CHD9: variants seen among roughly 807,000 people sequenced by gnomAD.
The protein encoded by CHD9 is ATP-dependent chromatin remodeler CHD9.
Under a neutral mutation model 316.1 loss-of-function variants are expected in CHD9, and 77 were observed. The observed-to-expected ratio is 0.24, with a 90% confidence interval of 0.20 to 0.29. The LOEUF is 0.29. CHD9 is among the 10% of genes least tolerant of loss of function. The pLI, the probability that CHD9 is intolerant of heterozygous loss-of-function variation, is 1.00. For missense variants in CHD9, 2,763 were observed against 3,438.1 expected (o/e 0.80, Z 4.91); for synonymous variants, 1,129 against 1,158.3 (o/e 0.97, Z 0.51).
chr16:53,229,084 C>G lies in CHD9; in HGVS notation c.2270C>G (p.Ala757Gly), dbSNP rs752857560. ...TTCAAATTGAGACAAGCACAAAGAG[C>G]ACATTTTTTTGCAGACGTAAGAAAA... ...KRFKLRQAQR[A>G]HFFADMEEEP... The change falls in exon 8 of 39, where the codon GCA becomes GGA. Residue 757 changes from alanine (A) to glycine (G), a missense_variant. By Grantham distance (60) the Ala-to-Gly change is moderately conservative (BLOSUM62 0). This residue lies in a region of CHD9 where 859 missense variants were observed against 890.4 expected (regional missense o/e 0.96). Coordinates refer to ENST00000447540, the MANE Select transcript of CHD9 (RefSeq NM_001308319.2). 1.1e-5 allele frequency: 17 copies of G among 1,577,150 alleles called. 1 individual carries two copies. In the East Asian group the frequency reaches 3.9e-4, roughly 36 times the overall value.
chr16:53,185,764 C>G (rs1176557239), intron 2 of CHD9, among the ~76,000 whole-genome samples: 1 of 152,210 alleles, frequency 6.6e-6, no homozygotes, highest in African/African-American at 2.4e-5. Context: ...CCATTCCAGC[C>G]CTGGCTAAGA....
In CHD9 at chr16:53,076,191, T is replaced by A. The variant is rs150667745; in HGVS notation, c.-165+21114T>A. ...TATATGATTTATAAATATTTACTTCTATTTCTGGGTTGTCTTTTTACTCTG... is the reference window on the plus strand; with the variant it reads ...TATATGATTTATAAATATTTACTTCAATTTCTGGGTTGTCTTTTTACTCTG... On this transcript the variant is annotated intron_variant, in intron 1 of 38. Transcript: ENST00000447540. Among the ~76,000 whole-genome samples, 1,190 of 152,334 alleles carry A rather than the reference T, an allele frequency of 7.8e-3. 16 individuals carry two copies. Among genetic ancestry groups the A allele is most frequent in the African/African-American group, 0.027 (1,127 of 41,568 alleles).
intron 2 of CHD9, among the ~76,000 whole-genome samples, chr16:53,173,765 C>T (rs1168463661): frequency 2.6e-5 from 4 of 151,840 alleles, no homozygotes; most frequent in Admixed American, 1.3e-4. Context: ...AGGATGGTCT[C>T]GATCTCCTGA....
intron 1 of CHD9, among the ~76,000 whole-genome samples, chr16:53,087,434 T>A (rs1021024078): frequency 1.3e-5 from 2 of 152,164 alleles, no homozygotes; most frequent in Admixed American, 6.6e-5. Context: ...TCGGGTCTAT[T>A]CCCAAGTCCT....
intron 2 of CHD9, among the ~76,000 whole-genome samples, chr16:53,168,296 CAG>C (rs1455197617): frequency 6.6e-6 from 1 of 152,106 alleles, no homozygotes; most frequent in Non-Finnish European, 1.5e-5. Flanking sequence ...CTCCTGACCT[CAG>C]GGGATCCACC....
At chr16:53,087,909 T>C (rs879557413) in intron 1 of CHD9, among the ~76,000 whole-genome samples, 13 of 151,538 alleles carry the variant, frequency 8.6e-5, no homozygotes, top group African/African-American at 2.4e-4. Flanking sequence ...GATCATGCCA[T>C]TGCACTCCAG....
At chr16:53,114,451 T>C (rs1244515130) in intron 1 of CHD9, among the ~76,000 whole-genome samples, 1 of 152,128 alleles carries the variant, frequency 6.6e-6, no homozygotes, top group Non-Finnish European at 1.5e-5. Flanking sequence ...AGAGACGAGG[T>C]TTTGCCGTAT....
At chr16:53,175,147 T>G (rs1430235253) in intron 2 of CHD9, among the ~76,000 whole-genome samples, 5 of 152,150 alleles carry the variant, frequency 3.3e-5, no homozygotes, top group African/African-American at 1.2e-4. Context: ...TTTTGGGTAA[T>G]CTTTTCACGG....
At chr16:53,108,417 A>C (rs911444554) in intron 1 of CHD9, among the ~76,000 whole-genome samples, 1 of 152,084 alleles carries the variant, frequency 6.6e-6, no homozygotes, top group Admixed American at 6.6e-5. Context: ...AGGCAGGAGG[A>C]TCACTTGAGC....
chr16:53,089,247 C>T (rs2035733793), intron 1 of CHD9, among the ~76,000 whole-genome samples: 1 of 152,132 alleles, frequency 6.6e-6, no homozygotes, highest in Non-Finnish European at 1.5e-5. Flanking sequence ...GATGGTGCCA[C>T]TGCACTCCAG....
chr16:53,139,486 G>A (rs2039949347), intron 1 of CHD9, among the ~76,000 whole-genome samples: 1 of 152,112 alleles, frequency 6.6e-6, no homozygotes, highest in Non-Finnish European at 1.5e-5. Context: ...CAGTATGGTA[G>A]GTTGAATGAA....
At chr16:53,275,585 A>G (rs2153019377) in intron 24 of CHD9, among the ~76,000 whole-genome samples, 1 of 152,254 alleles carries the variant, frequency 6.6e-6, no homozygotes, top group Middle Eastern at 3.4e-3. Flanking sequence ...CTTGCCTCTT[A>G]ATACTACAAG....
intron 1 of CHD9, among the ~76,000 whole-genome samples, chr16:53,060,824 C>T (rs1169951998): frequency 2.6e-5 from 4 of 151,412 alleles, no homozygotes; most frequent in Non-Finnish European, 4.4e-5. Flanking sequence ...GGGAAGCTGA[C>T]GGGGGAGGAT....
At position 53,156,173 on chromosome 16, in the gene CHD9, A is replaced by C. The variant is rs781617674; in HGVS notation, c.84A>C (p.Val28=). Residue 28 remains valine (V), a synonymous_variant, in exon 2 of 39, where the codon GTA becomes GTC. Transcript: ENST00000447540. ...TLEGLSDDAF[V]QPGPVSLVDE... is the part of the protein sequence containing the mutation. ...AAGGTTTGTCAGATGATGCATTTGT[A>C]CAACCAGGACCTGTTTCACTAGTTG... The C allele has an allele frequency of 6.2e-7, 1 of 1,613,972 alleles. No individual in the cohort carries two copies. The highest frequency in any genetic ancestry group is 1.3e-5 in the African/African-American group (1 of 75,052).
At chr16:53,148,217 T>C (rs1312102930) in intron 1 of CHD9, among the ~76,000 whole-genome samples, 2 of 152,060 alleles carry the variant, frequency 1.3e-5, no homozygotes, top group Non-Finnish European at 1.5e-5. Flanking sequence ...CAAAAAAATA[T>C]ATAAAATTTT....
At chr16:53,130,397 T>C (rs1265662308) in intron 1 of CHD9, among the ~76,000 whole-genome samples, 3 of 151,686 alleles carry the variant, frequency 2.0e-5, no homozygotes, top group African/African-American at 7.2e-5. Context: ...GCCCTGCATG[T>C]GAGTGACCTC....
chr16:53,189,609 CT>C (rs1182066075), intron 2 of CHD9, among the ~76,000 whole-genome samples: 8 of 151,298 alleles, frequency 5.3e-5, no homozygotes, highest in Non-Finnish European at 1.5e-5. Flanking sequence ...ATATTTGTGT[CT>C]GTATTAGCAA....
chr16:53,124,412 G>C (rs2038879203), intron 1 of CHD9, among the ~76,000 whole-genome samples: 1 of 151,114 alleles, frequency 6.6e-6, no homozygotes, highest in African/African-American at 2.4e-5. Context: ...GCGAGAGAGA[G>C]AGCATGTGTT....
chr16:53,156,212 G>T lies in CHD9; in HGVS notation c.123G>T (p.Leu41Phe). 1 of 1,613,922 alleles carries T rather than the reference G, an allele frequency of 6.2e-7. No individual in the cohort carries two copies. Among genetic ancestry groups the T allele is most frequent in the Non-Finnish European group, 8.5e-7 (1 of 1,179,884 alleles). Reference sequence around the variant, plus strand: ...TTTCACTAGTTGATGAATTGAATTTGGGTGCAGAATTTGAACCGTTGCACA... The same window carrying T: ...TTTCACTAGTTGATGAATTGAATTTTGGTGCAGAATTTGAACCGTTGCACA... Reference protein sequence around the residue: ...GPVSLVDELNLGAEFEPLHID... With the variant: ...GPVSLVDELNFGAEFEPLHID... Residue 41 changes from leucine (L) to phenylalanine (F), a missense_variant, in exon 2 of 39, where the codon TTG becomes TTT. Physicochemically the swap from Leu to Phe is conservative, Grantham distance 22. This residue lies in a region of CHD9 where 859 missense variants were observed against 890.4 expected (regional missense o/e 0.96). Transcript: ENST00000447540.
Sources: allele counts gnomAD v4.1 joint callset (sites outside exome capture counted in the v4.1 genomes callset), GRCh38; gene constraint gnomAD v4.1.1; regional missense constraint gnomAD v4.1.1; transcripts MANE v1.5; gene names NCBI Gene and HGNC (gene_info 2026-07-23, HGNC 2026-07-21).